FAM184B: variants seen among roughly 807,000 people sequenced by gnomAD.
FAM184B encodes the protein family with sequence similarity 184 member B.
In FAM184B, 111 loss-of-function variants were observed where a neutral mutation model predicts 135.9. That is an observed-to-expected ratio of 0.82 (90% CI 0.70 to 0.96). The LOEUF (loss-of-function observed/expected upper bound fraction) is 0.96, where lower values mean the gene tolerates loss of function less well. Ranked by LOEUF, FAM184B falls within the 40% of genes least tolerant of loss-of-function variation. FAM184B has a pLI of 0.00. For missense variants in FAM184B, 1,375 were observed against 1,323.9 expected (o/e 1.04, Z -0.60); for synonymous variants, 552 against 524.8 (o/e 1.05, Z -0.71).
chr4:17,721,383 CAAAAA>C lies in FAM184B; in HGVS notation c.142-11744_142-11740del, dbSNP rs61539641. ...TGGGCGACAGAGAAAGATTCTGTCT[CAAAAA>C]AAAAAAAAAAAAAAAAAATCTCTTT... On this transcript the variant is annotated intron_variant, in intron 1 of 17. Transcript: ENST00000265018. Among the ~76,000 whole-genome samples the C allele has an allele frequency of 4.6e-4, 22 of 47,386 alleles. 1 individual carries two copies. The highest frequency in any genetic ancestry group is 1.4e-3 in the East Asian group (3 of 2,222). 31.1% of individuals were successfully genotyped at this position (47,386 alleles called of 152,430 possible).
At chr4:17,695,311 T>C (rs1223691465) in intron 5 of FAM184B, among the ~76,000 whole-genome samples, 1 of 151,998 alleles carries the variant, frequency 6.6e-6, no homozygotes, top group Non-Finnish European at 1.5e-5. Context: ...TACAGGTGCA[T>C]GCCACCATGC....
intron 10 of FAM184B, among the ~76,000 whole-genome samples, chr4:17,653,355 T>C (rs57204649): frequency 0.065 from 9,868 of 152,254 alleles, 1,098 homozygotes; most frequent in African/African-American, 0.23. Context: ...CTATCTGACA[T>C]CTGCCCCAGG....
intron 1 of FAM184B, among the ~76,000 whole-genome samples, chr4:17,736,369 A>C (rs1577283152): frequency 6.6e-6 from 1 of 152,320 alleles, no homozygotes; most frequent in East Asian, 1.9e-4. Context: ...AATGAATCTT[A>C]ATCGTTACTC....
At position 17,709,091 on chromosome 4, in the gene FAM184B, A is replaced by G. The variant is rs747863242; in HGVS notation, c.695T>C (p.Ile232Thr). ...CACCGACTGCTGCATGGCCTGCCGG[A>G]TGGCCTCGTTTTCCCTCTCGTAGGT... ...QATYERENEA[I>T]RQAMQQSVSQ... The change falls in exon 2 of 18, where the codon ATC becomes ACC. Residue 232 changes from isoleucine (I) to threonine (T), a missense_variant. Ile to Thr is a moderately conservative substitution (Grantham distance 89, BLOSUM62 -1). Transcript: ENST00000265018. 1 of 1,549,666 alleles carries G rather than the reference A, an allele frequency of 6.5e-7. No homozygotes were observed. The highest frequency in any genetic ancestry group is 2.4e-5 in the East Asian group (1 of 40,860).
intron 14 of FAM184B, among the ~76,000 whole-genome samples, chr4:17,638,061 G>C (rs989543423): frequency 2.2e-4 from 32 of 142,390 alleles, no homozygotes; most frequent in African/African-American, 7.0e-4. Context: ...CAGAGGCCTT[G>C]TTTTGCCCAC....
At chr4:17,636,501 G>T (rs1368103834) in intron 15 of FAM184B, 27 bp downstream of exon 15, 2 of 1,525,864 alleles carry the variant, frequency 1.3e-6, no homozygotes, top group Admixed American at 2.0e-5. Context: ...CCAGGTGCGT[G>T]GGTGAGGCGC....
chr4:17,657,456 T>C (rs1168659356), intron 10 of FAM184B, among the ~76,000 whole-genome samples: 2 of 152,130 alleles, frequency 1.3e-5, no homozygotes, highest in Non-Finnish European at 2.9e-5. Context: ...TGCTCCCTTG[T>C]TTTTGTGGGA....
intron 1 of FAM184B, among the ~76,000 whole-genome samples, chr4:17,742,168 A>ATATATATATTTT (rs1459958150): frequency 4.6e-5 from 5 of 109,288 alleles, no homozygotes; most frequent in African/African-American, 2.4e-4. Context: ...ATATATATAT[A>ATATATATATTTT]TTTTTTTTTT....
At chr4:17,705,951 G>A (rs1328482156) in intron 3 of FAM184B, 60 bp from the exon 4 acceptor site, 2 of 1,542,946 alleles carry the variant, frequency 1.3e-6, no homozygotes, top group African/African-American at 2.7e-5. Flanking sequence ...CTTGTTCAAG[G>A]CTTTCTGCTG....
chr4:17,631,228 A>C lies in FAM184B; in HGVS notation c.*1304T>G, dbSNP rs1285510652. ...AGGGGATATATATATATATTTTTTTAATCTGTAGAGATGGGATCTCACTAT... is the reference window on the plus strand; with the variant it reads ...AGGGGATATATATATATATTTTTTTCATCTGTAGAGATGGGATCTCACTAT... On this transcript the variant is annotated 3_prime_UTR_variant, in exon 18 of 18. Transcript: ENST00000265018. 1 of 151,616 alleles carries C rather than the reference A, an allele frequency of 6.6e-6. No individual in the cohort carries two copies. The highest frequency in any genetic ancestry group is 2.4e-5 in the African/African-American group (1 of 40,944). 9.4% of individuals were successfully genotyped at this position (151,616 alleles called of 1,614,324 possible). A position where few individuals can be genotyped will look rare whatever the true frequency, so the allele number is the denominator to read the frequency against.
At chr4:17,718,224 A>C (rs1181989218) in intron 1 of FAM184B, among the ~76,000 whole-genome samples, 1 of 152,186 alleles carries the variant, frequency 6.6e-6, no homozygotes, top group African/African-American at 2.4e-5. Flanking sequence ...TTCATTAGTT[A>C]TGATTTTTAC....
At chr4:17,768,051 T>C (rs1718738081) in intron 1 of FAM184B, among the ~76,000 whole-genome samples, 1 of 152,252 alleles carries the variant, frequency 6.6e-6, no homozygotes, top group African/African-American at 2.4e-5. Context: ...CCAATAAAAC[T>C]TTATTCATGG....
intron 1 of FAM184B, among the ~76,000 whole-genome samples, chr4:17,752,339 G>A (rs1718312586): frequency 6.6e-6 from 1 of 152,112 alleles, no homozygotes; most frequent in Admixed American, 6.6e-5. Context: ...GGTAGGACGG[G>A]AGATAGGGGG....
intron 1 of FAM184B, among the ~76,000 whole-genome samples, chr4:17,728,120 T>TA (rs964121547): frequency 4.6e-5 from 7 of 150,970 alleles, no homozygotes; most frequent in Admixed American, 4.0e-4. Context: ...TCTACAAAAT[T>TA]AAAAAAAAAT....
chr4:17,734,203 T>G (rs1447496048), intron 1 of FAM184B, among the ~76,000 whole-genome samples: 1 of 152,154 alleles, frequency 6.6e-6, no homozygotes, highest in Non-Finnish European at 1.5e-5. Context: ...AAGACTTACA[T>G]GTTAGACCTA....
At chr4:17,706,881 G>A (rs909432227) in intron 3 of FAM184B, among the ~76,000 whole-genome samples, 78 of 152,012 alleles carry the variant, frequency 5.1e-4, no homozygotes, top group African/African-American at 1.5e-3. Flanking sequence ...TGCCTCCAGG[G>A]CTCAAGTGAG....
At chr4:17,666,844 G>A (rs1334237983) in intron 7 of FAM184B, among the ~76,000 whole-genome samples, 4 of 151,976 alleles carry the variant, frequency 2.6e-5, no homozygotes, top group Non-Finnish European at 4.4e-5. Context: ...TGTGGCACAT[G>A]CGAGTCATTA....
intron 1 of FAM184B, among the ~76,000 whole-genome samples, chr4:17,744,204 GT>G (rs1718106520): frequency 6.6e-6 from 1 of 152,068 alleles, no homozygotes; most frequent in Admixed American, 6.6e-5. Context: ...TTTATTTGGG[GT>G]CTTAATTACA....
chr4:17,780,247 A>G (rs921684499), intron 1 of FAM184B, among the ~76,000 whole-genome samples: 3 of 152,190 alleles, frequency 2.0e-5, no homozygotes, highest in African/African-American at 7.2e-5. Context: ...GAAAGAGAGC[A>G]TGTTCCAGAC....
Sources: gnomAD v4.1 joint callset for allele counts (sites outside exome capture counted in the v4.1 genomes callset) on GRCh38, gnomAD v4.1.1 for gene constraint, MANE v1.5 for transcripts, NCBI Gene and HGNC (gene_info 2026-07-23, HGNC 2026-07-21) for gene names.